The following ATP2C2 variants were observed in gnomAD, a reference collection of about 807,000 sequenced individuals.
ATP2C2 encodes calcium-transporting ATPase type 2C member 2.
In ATP2C2, 171 loss-of-function variants were observed where a neutral mutation model predicts 110.8. The ratio of observed to expected loss-of-function variants is 1.54; its 90% CI spans 1.36 to 1.75. ATP2C2 has a LOEUF of 1.75. ATP2C2 is among the 40% of genes most tolerant of loss of function. ATP2C2 has a pLI of 0.00. For synonymous variants in ATP2C2, 804 were observed against 508.4 expected, an observed-to-expected ratio of 1.58 and a Z score of -7.82; for missense variants, 1,963 against 1,235.0, an observed-to-expected ratio of 1.59 and a Z score of -8.84.
At chr16:84,412,526 GCA>G (rs1906457376) in intron 6 of ATP2C2, among the ~76,000 whole-genome samples, 2 of 146,376 alleles carry the variant, frequency 1.4e-5, no homozygotes, top group Non-Finnish European at 3.0e-5. Flanking sequence ...GTCTGTGTGT[GCA>G]TGTGTCTGTG....
rs759080438 is a variant in ATP2C2 at position 84,440,947 on chromosome 16, A to T, written c.1300A>T (p.Lys434Ter). The T allele has an allele frequency of 6.2e-7, 1 of 1,611,504 alleles. No individual in the cohort carries two copies. The highest frequency in any genetic ancestry group is 2.2e-5 in the East Asian group (1 of 44,846). Residue 434 changes from lysine (K) to a stop codon, truncating the protein, a stop_gained, in exon 14 of 27, where the codon AAG becomes TAG. Transcript: ENST00000262429. LOFTEE classifies it high-confidence loss of function. The part of the protein sequence containing the change: ...IKEFSNVSVG[K>*]LVEAGCVANN... ...GGAATTTTCCAATGTCTCAGTGGGA[A>T]AGTTAGTGGAGGTAGGTGTCAAAAG...
In ATP2C2 at chr16:84,442,610, C is replaced by T; in HGVS notation, c.1401+11C>T. The T allele has an allele frequency of 6.2e-7, 1 of 1,612,988 alleles. No homozygotes were observed. The highest frequency in any genetic ancestry group is 8.5e-7 in the Non-Finnish European group (1 of 1,179,152). ...GCCCTGGCGATGAAGGTAGGAGGTC[C>T]TGGGGTGGCTCTGCGGGGAATTCTT... On this transcript the variant is annotated intron_variant, in intron 15 of 26. Transcript: ENST00000262429.
Position 84,440,894 on chromosome 16 carries a change from G to T in ATP2C2, c.1247G>T (p.Cys416Phe). The T allele has an allele frequency of 6.2e-7, 1 of 1,613,630 alleles. No homozygotes were observed. The highest frequency in any genetic ancestry group is 8.5e-7 in the Non-Finnish European group (1 of 1,179,968). The part of the protein sequence containing the change: ...GVGYDGQGTV[C>F]LLPSKEVIKE... Reference sequence around the variant, plus strand: ...GGGTATGACGGTCAAGGGACTGTGTGTCTTCTACCATCCAAGGAAGTCATT... The same window carrying T: ...GGGTATGACGGTCAAGGGACTGTGTTTCTTCTACCATCCAAGGAAGTCATT... The change falls in exon 14 of 27, where the codon TGT becomes TTT. Residue 416 changes from cysteine (C) to phenylalanine (F), a missense_variant. Cys to Phe is a radical substitution (Grantham distance 205). Transcript: ENST00000262429.
intron 1 of ATP2C2, among the ~76,000 whole-genome samples, chr16:84,380,197 C>T (rs539651951): frequency 7.7e-4 from 117 of 152,246 alleles, no homozygotes; most frequent in African/African-American, 2.6e-3. Flanking sequence ...TTCAGCAACA[C>T]CTATCTCACC....
chr16:84,407,379 G>C (rs931753122), intron 3 of ATP2C2: 9 of 152,580 alleles, frequency 5.9e-5, no homozygotes, highest in African/African-American at 2.2e-4. Context: ...TGAGGATGTG[G>C]ATGGAGGGCG....
At chr16:84,458,987 C>G in intron 21 of ATP2C2, 133 bp from the exon 22 acceptor site, 1 of 952,080 alleles carries the variant, frequency 1.1e-6, no homozygotes, top group Non-Finnish European at 1.6e-6. Flanking sequence ...AGAATGCCAG[C>G]AAGGGGAACC....
chr16:84,459,699 T>G (rs1255848099), intron 23 of ATP2C2: 2 of 1,024,510 alleles, frequency 2.0e-6, no homozygotes, highest in Non-Finnish European at 1.4e-6. Flanking sequence ...CTTCAGGAAG[T>G]CTTCCCTGAT....
In ATP2C2 at chr16:84,452,070, C is replaced by T; in HGVS notation, c.1810C>T (p.Leu604=). 6.2e-7 allele frequency: 1 copy of T among 1,613,956 alleles called. No individual in the cohort carries two copies. Among genetic ancestry groups the T allele is most frequent in the South Asian group, 1.1e-5 (1 of 91,054 alleles). Residue 604 remains leucine, a synonymous_variant, in exon 18 of 27, where the codon CTG becomes TTG. Transcript: ENST00000262429. ...TGTGAAGATGATAACGGGGGATGCC[C>T]TGGAGACGGCCTTGGCCATAGGTAA... The part of the protein sequence containing the change: ...VSVKMITGDA[L]ETALAIGRNI...
At chr16:84,443,808 G>A (rs956329667) in intron 15 of ATP2C2, among the ~76,000 whole-genome samples, 21 of 152,304 alleles carry the variant, frequency 1.4e-4, no homozygotes, top group African/African-American at 4.6e-4. Context: ...CTGGGCGGGG[G>A]AGAGGTGGTC....
intron 1 of ATP2C2, among the ~76,000 whole-genome samples, chr16:84,383,433 GCCATGTCTGGT>G (rs1457429272): frequency 6.6e-6 from 1 of 152,222 alleles, no homozygotes; most frequent in Non-Finnish European, 1.5e-5. Flanking sequence ...ATGATAAGCA[GCCATGTCTGGT>G]CCGTAGTATG....
chr16:84,419,532 C>T (rs558029298), intron 7 of ATP2C2, among the ~76,000 whole-genome samples: 1 of 152,292 alleles, frequency 6.6e-6, no homozygotes, highest in South Asian at 2.1e-4. Flanking sequence ...CATCAGAGAA[C>T]ACATTCCCAA....
chr16:84,414,900 G>A (rs1017715583), intron 6 of ATP2C2, among the ~76,000 whole-genome samples: 6 of 152,114 alleles, frequency 3.9e-5, no homozygotes, highest in East Asian at 1.9e-4. Flanking sequence ...TTCTAAGAGC[G>A]CTCCAGCTGC....
At chr16:84,394,719 G>A (rs760794088) in intron 1 of ATP2C2, among the ~76,000 whole-genome samples, 4 of 152,064 alleles carry the variant, frequency 2.6e-5, no homozygotes, top group Non-Finnish European at 5.9e-5. Context: ...TTCATTGACC[G>A]ATGGACACGT....
intron 1 of ATP2C2, among the ~76,000 whole-genome samples, chr16:84,384,994 A>T (rs2151403095): frequency 6.6e-6 from 1 of 152,326 alleles, no homozygotes; most frequent in East Asian, 1.9e-4. Context: ...GGTTGCAGTG[A>T]GCTAAGATTG....
intron 24 of ATP2C2, chr16:84,461,150 C>G (rs1911291642): frequency 6.7e-6 from 2 of 299,040 alleles, no homozygotes; most frequent in Non-Finnish European, 1.2e-5. Flanking sequence ...GTGTTACACT[C>G]TAGAGGTGAT....
intron 11 of ATP2C2, among the ~76,000 whole-genome samples, chr16:84,430,662 G>C (rs570832627): frequency 7.1e-6 from 1 of 141,842 alleles, no homozygotes; most frequent in African/African-American, 2.6e-5. Flanking sequence ...AAAAAAGTCA[G>C]TTCTAGAATC....
chr16:84,389,632 C>T (rs1904528364), intron 1 of ATP2C2, among the ~76,000 whole-genome samples: 1 of 152,110 alleles, frequency 6.6e-6, no homozygotes, highest in Admixed American at 6.5e-5. Flanking sequence ...CTCCTGCTGT[C>T]CCCACCTCTG....
chr16:84,461,905 C>A, intron 25 of ATP2C2, 83 bp from the exon 26 acceptor site: 1 of 1,607,254 alleles, frequency 6.2e-7, no homozygotes, highest in East Asian at 2.2e-5. Flanking sequence ...GCGGCTCTGG[C>A]TCAGCGTGGG....
At chr16:84,436,765 T>TTTG (rs1908776209) in intron 11 of ATP2C2, among the ~76,000 whole-genome samples, 2 of 148,546 alleles carry the variant, frequency 1.3e-5, no homozygotes, top group Admixed American at 6.7e-5. Flanking sequence ...CGAAGGCTGT[T>TTTG]TTTTTTTTTT....
Sources: allele counts gnomAD v4.1 joint callset (sites outside exome capture counted in the v4.1 genomes callset), GRCh38; gene constraint gnomAD v4.1.1; transcripts MANE v1.5; gene names NCBI Gene and HGNC (gene_info 2026-07-23, HGNC 2026-07-21).